XKR6: variants seen among roughly 807,000 people sequenced by gnomAD.
XKR6 encodes the protein XK related 6.
XKR6 carries 22 observed loss-of-function variants against 56.7 expected under a neutral mutation model. The observed-to-expected ratio is 0.39, with a 90% confidence interval of 0.28 to 0.55. The LOEUF (loss-of-function observed/expected upper bound fraction) is 0.55, where lower values mean the gene tolerates loss of function less well. XKR6 is among the 20% of genes least tolerant of loss of function. The pLI, the probability that XKR6 is intolerant of heterozygous loss-of-function variation, is 0.66. For synonymous variants in XKR6, 524 were observed against 387.8 expected (o/e 1.35, Z -4.13); for missense variants, 852 against 889.0 (o/e 0.96, Z 0.53).
At chr8:11,085,010 C>G (rs1388004422) in intron 1 of XKR6, among the ~76,000 whole-genome samples, 2 of 152,158 alleles carry the variant, frequency 1.3e-5, no homozygotes, top group Non-Finnish European at 2.9e-5. Flanking sequence ...CCAGGTGCAC[C>G]TGCAGTTTCC....
intron 1 of XKR6, among the ~76,000 whole-genome samples, chr8:11,197,824 GC>G (rs960640589): frequency 6.6e-6 from 1 of 152,170 alleles, no homozygotes; most frequent in Non-Finnish European, 1.5e-5. Context: ...GCAGAGAAGT[GC>G]CCCACTTTAA....
intron 2 of XKR6, 132 bp from the exon 3 acceptor site, chr8:10,899,048 A>G: frequency 7.2e-7 from 1 of 1,387,322 alleles, no homozygotes; most frequent in Non-Finnish European, 9.6e-7. Context: ...ACACAGAATC[A>G]GGAACCGAAC....
At chr8:11,125,958 A>T (rs532079492) in intron 1 of XKR6, 1 of 152,236 alleles carries the variant, frequency 6.6e-6, no homozygotes, top group East Asian at 1.9e-4. Context: ...AACTCACAAC[A>T]AACTTGATGG....
intron 1 of XKR6, among the ~76,000 whole-genome samples, chr8:10,941,799 G>A (rs941988013): frequency 1.3e-5 from 2 of 152,260 alleles, no homozygotes; most frequent in East Asian, 3.9e-4. Context: ...CTTAGAACAT[G>A]TCAAATGCAA....
intron 2 of XKR6, among the ~76,000 whole-genome samples, chr8:10,924,242 C>A (rs375857042): frequency 6.6e-6 from 1 of 152,252 alleles, no homozygotes; most frequent in Non-Finnish European, 1.5e-5. Flanking sequence ...CCCAATATGA[C>A]GGCCCCTTGT....
intron 1 of XKR6, among the ~76,000 whole-genome samples, chr8:11,195,630 T>C (rs1245708989): frequency 1.3e-5 from 2 of 151,654 alleles, no homozygotes; most frequent in Non-Finnish European, 2.9e-5. Flanking sequence ...AACTTTCCCC[T>C]CAGAAAAATC....
chr8:11,004,117 G>C lies in XKR6; in HGVS notation c.765-79287C>G, dbSNP rs78625065. On this transcript the variant is annotated intron_variant, in intron 1 of 2. Coordinates refer to ENST00000416569, the MANE Select transcript of XKR6 (RefSeq NM_173683.4). ...AGCTGCAGAGATGGAGCGAAGTCTG[G>C]GAGTTATGAGGAGCCCTGGGAGTCT... is the stretch of plus-strand genomic sequence containing the variant. Among the ~76,000 whole-genome samples the C allele has an allele frequency of 3.3e-5, 5 of 152,256 alleles. 1 individual carries two copies. The highest frequency in any genetic ancestry group is 1.2e-4 in the African/African-American group (5 of 41,498).
chr8:11,151,615 T>G (rs1436658127), intron 1 of XKR6, among the ~76,000 whole-genome samples: 5 of 151,986 alleles, frequency 3.3e-5, no homozygotes, highest in African/African-American at 1.2e-4. Context: ...TCTGGAAGCC[T>G]GGTGGATTCA....
At chr8:11,071,981 C>A (rs1800142585) in intron 1 of XKR6, among the ~76,000 whole-genome samples, 2 of 151,986 alleles carry the variant, frequency 1.3e-5, no homozygotes. Flanking sequence ...TACAAACACA[C>A]AGCCAAGATA....
chr8:11,085,572 G>A (rs1437377631), intron 1 of XKR6, among the ~76,000 whole-genome samples: 6 of 152,150 alleles, frequency 3.9e-5, no homozygotes, highest in African/African-American at 1.2e-4. Flanking sequence ...ATGGGGAGTG[G>A]GCACTGCTGG....
At chr8:11,023,679 C>T (rs1388496148) in intron 1 of XKR6, among the ~76,000 whole-genome samples, 1 of 152,194 alleles carries the variant, frequency 6.6e-6, no homozygotes, top group African/African-American at 2.4e-5. Context: ...GGTTGAGGAA[C>T]CCCACAGCGA....
chr8:10,989,619 CTT>C (rs1451979962), intron 1 of XKR6, among the ~76,000 whole-genome samples: 2 of 152,294 alleles, frequency 1.3e-5, no homozygotes, highest in Non-Finnish European at 2.9e-5. Flanking sequence ...TCCTTAGCCT[CTT>C]TTAATTTCAG....
At chr8:11,035,553 T>G (rs1029274647) in intron 1 of XKR6, among the ~76,000 whole-genome samples, 1 of 152,228 alleles carries the variant, frequency 6.6e-6, no homozygotes, top group Non-Finnish European at 1.5e-5. Flanking sequence ...GAGCAAGTTC[T>G]GCTCTGCAGC....
intron 2 of XKR6, among the ~76,000 whole-genome samples, chr8:10,921,802 G>C (rs996455129): frequency 6.6e-6 from 1 of 152,204 alleles, no homozygotes; most frequent in Non-Finnish European, 1.5e-5. Context: ...GTGGTACAGA[G>C]TGGGGAAGAT....
At chr8:10,963,251 G>A (rs1054554684) in intron 1 of XKR6, among the ~76,000 whole-genome samples, 2 of 152,242 alleles carry the variant, frequency 1.3e-5, no homozygotes, top group Non-Finnish European at 2.9e-5. Flanking sequence ...GACTGGCTCT[G>A]CCTCAGGGCC....
At chr8:11,039,781 C>T (rs1799238156) in intron 1 of XKR6, among the ~76,000 whole-genome samples, 1 of 152,210 alleles carries the variant, frequency 6.6e-6, no homozygotes, top group African/African-American at 2.4e-5. Flanking sequence ...AAGTGCACGT[C>T]CCGGCCCTAC....
At chr8:11,030,584 C>A (rs1039643172) in intron 1 of XKR6, among the ~76,000 whole-genome samples, 25 of 152,150 alleles carry the variant, frequency 1.6e-4, no homozygotes, top group African/African-American at 5.8e-4. Context: ...CCAGCAATGA[C>A]CTCTGCAAGG....
chr8:10,980,145 G>T (rs1797696097), intron 1 of XKR6, among the ~76,000 whole-genome samples: 1 of 152,212 alleles, frequency 6.6e-6, no homozygotes, highest in Admixed American at 6.5e-5. Context: ...TTCAAGAAGG[G>T]GGAACGTCTG....
chr8:11,137,861 A>AAAGACTGAT (rs908717843), intron 1 of XKR6: 1 of 364,088 alleles, frequency 2.7e-6, no homozygotes, highest in African/African-American at 2.1e-5. Flanking sequence ...AATAATGGAA[A>AAAGACTGAT]AAGACTGATA....
Sources: gnomAD v4.1 joint callset for allele counts (sites outside exome capture counted in the v4.1 genomes callset) on GRCh38, gnomAD v4.1.1 for gene constraint, MANE v1.5 for transcripts, NCBI Gene and HGNC (gene_info 2026-07-23, HGNC 2026-07-21) for gene names.